PIBF1: variants seen among roughly 807,000 people sequenced by gnomAD.
The protein encoded by PIBF1 is progesterone-induced-blocking factor 1.
A neutral mutation model predicts 112.5 loss-of-function variants in PIBF1; 90 were observed. The observed-to-expected ratio is 0.80, with a 90% CI of 0.67 to 0.95. The LOEUF is 0.95. PIBF1 is among the 40% of genes least tolerant of loss of function. The pLI, the probability that PIBF1 is intolerant of heterozygous loss-of-function variation, is 0.00. For missense variants in PIBF1, 915 were observed against 852.3 expected (o/e 1.07, Z -0.92); for synonymous variants, 301 against 288.6 (o/e 1.04, Z -0.44).
intron 5 of PIBF1, among the ~76,000 whole-genome samples, chr13:72,801,943 T>C (rs987717922): frequency 1.3e-5 from 2 of 152,212 alleles, no homozygotes; most frequent in Non-Finnish European, 2.9e-5. Context: ...AAACAAATTA[T>C]GTAAAACTTA....
chr13:72,853,194 G>A (rs986692665), intron 9 of PIBF1, among the ~76,000 whole-genome samples: 14 of 151,974 alleles, frequency 9.2e-5, no homozygotes, highest in African/African-American at 3.4e-4. Flanking sequence ...CTCCCAGTTA[G>A]TCATTGTTGT....
intron 5 of PIBF1, among the ~76,000 whole-genome samples, chr13:72,821,547 TA>T (rs2036558107): frequency 6.6e-6 from 1 of 152,198 alleles, no homozygotes; most frequent in Non-Finnish European, 1.5e-5. Flanking sequence ...TAAATGTTTT[TA>T]AAAAGTCATT....
chr13:72,904,429 A>ATTTTTTTTTTTTTTTTTTTTTTTT (rs1240090172), intron 11 of PIBF1, among the ~76,000 whole-genome samples: 2 of 51,088 alleles, frequency 3.9e-5, no homozygotes, highest in Admixed American at 2.6e-4. Context: ...ATATCAAAAT[A>ATTTTTTTTTTTTTTTTTTTTTTTT]TTTCTTTTTT....
chr13:72,904,684 A>G (rs2040629505), intron 11 of PIBF1, among the ~76,000 whole-genome samples: 2 of 151,526 alleles, frequency 1.3e-5, no homozygotes, highest in Admixed American at 1.3e-4. Context: ...CAGGTGATCC[A>G]CTTGCCTTGT....
At chr13:72,788,985 A>C (rs1267797442) in intron 2 of PIBF1, among the ~76,000 whole-genome samples, 2 of 152,200 alleles carry the variant, frequency 1.3e-5, no homozygotes, top group Non-Finnish European at 2.9e-5. Flanking sequence ...AGGAACAAGC[A>C]GGTCCAAGAA....
intron 5 of PIBF1, among the ~76,000 whole-genome samples, chr13:72,813,123 A>T (rs1175505593): frequency 6.6e-6 from 1 of 152,140 alleles, no homozygotes; most frequent in East Asian, 1.9e-4. Context: ...ACTACTGAGC[A>T]TAGTCATGCC....
rs577555914 is a variant in PIBF1 at position 72,858,163 on chromosome 13, T to G, written c.1322+4008T>G. On this transcript the variant is annotated intron_variant, in intron 10 of 17. Coordinates refer to ENST00000326291, the MANE Select transcript of PIBF1 (RefSeq NM_006346.4). ...GCCTCCCGGGTTCAAGTGATTCTCG[T>G]GCTTCAGCCCCCTGAGTAGCTGGGA... 5.4e-4 allele frequency among the ~76,000 whole-genome samples: 82 copies of G among 151,962 alleles called. 1 individual carries two copies. The highest frequency in any genetic ancestry group is 1.8e-3 in the African/African-American group (74 of 41,462).
At chr13:72,889,103 TCA>T (rs2039964534) in intron 10 of PIBF1, among the ~76,000 whole-genome samples, 1 of 152,112 alleles carries the variant, frequency 6.6e-6, no homozygotes, top group Admixed American at 6.6e-5. Flanking sequence ...GTTTTTAGCC[TCA>T]CAGTGGATTT....
Position 72,790,484 on chromosome 13 carries a change from ACCCTTATAGATAGAT to A in PIBF1, c.253-1961_253-1947del, listed in dbSNP as rs1566271746. Among the ~76,000 whole-genome samples, 276 of 148,144 alleles carry A rather than the reference ACCCTTATAGATAGAT, an allele frequency of 1.9e-3. 5 individuals carry two copies. Among genetic ancestry groups the A allele is most frequent in the Middle Eastern group, 7.0e-3 (2 of 286 alleles). The stretch of plus-strand genomic sequence containing the variant: ...ACACACTTATAGATAGATCACACAC[ACCCTTATAGATAGAT>A]CACACACACACATAGATAGATAGAT... On this transcript the variant is annotated intron_variant, in intron 2 of 17. Transcript: ENST00000326291.
intron 10 of PIBF1, among the ~76,000 whole-genome samples, chr13:72,862,641 T>G (rs1191731125): frequency 6.6e-6 from 1 of 152,168 alleles, no homozygotes; most frequent in Non-Finnish European, 1.5e-5. Flanking sequence ...CAATAATTTT[T>G]AGAGAGTAGC....
chr13:72,905,589 A>G (rs897865032), intron 11 of PIBF1, among the ~76,000 whole-genome samples: 6 of 152,170 alleles, frequency 3.9e-5, no homozygotes, highest in Admixed American at 3.3e-4. Context: ...AATGTTCAGT[A>G]TTTAAAACTT....
At chr13:72,911,774 CA>C (rs2040901812) in intron 12 of PIBF1, among the ~76,000 whole-genome samples, 3 of 151,938 alleles carry the variant, frequency 2.0e-5, no homozygotes, top group Non-Finnish European at 2.9e-5. Context: ...ATTCACAAAA[CA>C]TAGATTAAAC....
intron 14 of PIBF1, among the ~76,000 whole-genome samples, chr13:72,952,011 ATTTC>A (rs1162446222): frequency 8.2e-4 from 114 of 139,526 alleles, no homozygotes; most frequent in African/African-American, 2.4e-3. Flanking sequence ...ATTTCTTTTA[ATTTC>A]TTTCTTTCTT....
intron 6 of PIBF1, among the ~76,000 whole-genome samples, chr13:72,824,700 T>A (rs2036721219): frequency 6.6e-6 from 1 of 152,192 alleles, no homozygotes; most frequent in Non-Finnish European, 1.5e-5. Context: ...ATAAGTATGT[T>A]AGGGAATAGG....
At chr13:72,801,155 C>T (rs2035451085) in intron 5 of PIBF1, among the ~76,000 whole-genome samples, 1 of 152,136 alleles carries the variant, frequency 6.6e-6, no homozygotes, top group African/African-American at 2.4e-5. Flanking sequence ...GGTCATCATA[C>T]AGACTTTGAT....
At chr13:72,952,078 C>T (rs8000485) in intron 14 of PIBF1, among the ~76,000 whole-genome samples, 29,651 of 136,514 alleles carry the variant, frequency 0.22, 3,149 homozygotes, top group Middle Eastern at 0.3. Flanking sequence ...TCTGTTGCCT[C>T]GTCTGGAGTG....
rs750952682 is a variant in PIBF1, at chr13:72,917,121, A to G, written c.1685A>G (p.Tyr562Cys). The change falls in exon 13 of 18, where the codon TAT becomes TGT. Residue 562 changes from tyrosine to cysteine, a missense_variant. Physicochemically the swap from Tyr to Cys is radical, Grantham distance 194. Coordinates refer to ENST00000326291, the MANE Select transcript of PIBF1 (RefSeq NM_006346.4). Reference protein sequence around the residue: ...EAERVLFSYGYGANVPTTAKR... With the variant: ...EAERVLFSYGCGANVPTTAKR... The stretch of plus-strand genomic sequence containing the variant: ...GAAAGGGTTCTTTTTTCCTACGGCT[A>G]TGGTGCTAATGTTCCCACAACAGCC... The G allele has an allele frequency of 2.7e-5, 43 of 1,597,914 alleles. No homozygotes were observed. Among genetic ancestry groups the G allele is most frequent in the Admixed American group, 8.6e-5 (5 of 57,870 alleles).
In PIBF1 at chr13:72,782,368, C is replaced by T. The variant is rs1402840363; in HGVS notation, c.-48+19C>T. ...TTTCGAGGTAACTTGCGACTATCAT[C>T]GCTTTCTTTCCCGCGTGGGGCAAGG... On this transcript the variant is annotated intron_variant, in intron 1 of 17. Transcript: ENST00000326291. 1 of 152,518 alleles carries T rather than the reference C, an allele frequency of 6.6e-6. No homozygotes were observed. Among genetic ancestry groups the T allele is most frequent in the Non-Finnish European group, 1.5e-5 (1 of 68,240 alleles). The allele number at this position is 152,518 out of a possible 1,614,324, so 9.4% of individuals were successfully genotyped here.
chr13:73,001,582 C>CTTTTTTTTTTTTTTTT lies in PIBF1; in HGVS notation c.2223+2590_2223+2605dup, dbSNP rs10645002. Among the ~76,000 whole-genome samples, 43 of 29,166 alleles carry CTTTTTTTTTTTTTTTT rather than the reference C, an allele frequency of 1.5e-3. 13 individuals carry two copies. The highest frequency in any genetic ancestry group is 7.8e-3 in the East Asian group (5 of 642). The allele number at this position is 29,166 out of a possible 152,430, so 19.1% of individuals were successfully genotyped here. A position where few individuals can be genotyped will look rare whatever the true frequency, so the allele number is the denominator to read the frequency against. ...CAGAGGAGGAGAAATAAGAGCTTGACTTTTTTTTTTTTTTTTTTGACACTT... is the reference window on the plus strand; with the variant it reads ...CAGAGGAGGAGAAATAAGAGCTTGACTTTTTTTTTTTTTTTTTTTTTTTTTTTTTTTTTTGACACTT... On this transcript the variant is annotated intron_variant, in intron 17 of 17. Transcript: ENST00000326291.
Sources: allele counts gnomAD v4.1 joint callset (sites outside exome capture counted in the v4.1 genomes callset), GRCh38; gene constraint gnomAD v4.1.1; transcripts MANE v1.5; gene names NCBI Gene and HGNC (gene_info 2026-07-23, HGNC 2026-07-21).